Variants in ING3 observed in about 807,000 individuals in gnomAD.
ING3 encodes inhibitor of growth family member 3, also known as inhibitor of growth protein 3.
A neutral mutation model predicts 64.8 loss-of-function variants in ING3; 6 were observed. The observed-to-expected ratio is 0.09, with a 90% CI of 0.05 to 0.18. The LOEUF is 0.18. ING3 is among the 10% of genes least tolerant of loss of function. The pLI is 1.00. For synonymous variants in ING3, 170 were observed against 173.7 expected, an observed-to-expected ratio of 0.98 and a Z score of 0.17; for missense variants, 310 against 489.7, an observed-to-expected ratio of 0.63 and a Z score of 3.46.
intron 6 of ING3, among the ~76,000 whole-genome samples, chr7:120,967,254 A>C (rs1796008527): frequency 6.6e-6 from 1 of 152,192 alleles, no homozygotes; most frequent in African/African-American, 2.4e-5. Context: ...TGTGTTTTGA[A>C]AACAAAATTT....
At chr7:120,971,135 A>G (rs981549296) in intron 10 of ING3, among the ~76,000 whole-genome samples, 5 of 152,216 alleles carry the variant, frequency 3.3e-5, no homozygotes, top group African/African-American at 4.8e-5. Flanking sequence ...CCTCATGTGC[A>G]CATTGGCTGC....
chr7:120,956,537 G>A (rs1795850118), intron 4 of ING3: 2 of 1,025,854 alleles, frequency 1.9e-6, no homozygotes, highest in Non-Finnish European at 1.2e-6. Context: ...CATGGAAAAT[G>A]TCTAGTTGTT....
chr7:120,957,371 T>TA (rs35872651), intron 4 of ING3, among the ~76,000 whole-genome samples: 198 of 139,224 alleles, frequency 1.4e-3, no homozygotes, highest in Admixed American at 2.5e-3. Context: ...GACTCTGTCT[T>TA]AAAAAAAAAA....
chr7:120,958,045 A>G (rs1795877527), intron 4 of ING3, among the ~76,000 whole-genome samples: 1 of 152,074 alleles, frequency 6.6e-6, no homozygotes. Context: ...GGAATTTTCT[A>G]TTTTCCTGAA....
chr7:120,965,833 C>T (rs1399918596), intron 5 of ING3, among the ~76,000 whole-genome samples: 2 of 151,896 alleles, frequency 1.3e-5, no homozygotes, highest in African/African-American at 2.4e-5. Context: ...CTGGAGGAAC[C>T]CTATATAAAG....
chr7:120,961,991 C>T (rs935451170), intron 4 of ING3, among the ~76,000 whole-genome samples: 10 of 152,206 alleles, frequency 6.6e-5, no homozygotes, highest in African/African-American at 1.4e-4. Context: ...AGGTAACTTA[C>T]ATCCTTGCTT....
chr7:120,951,039 C>T (rs1795753694), intron 1 of ING3, 115 bp downstream of exon 1: 1 of 1,514,252 alleles, frequency 6.6e-7, no homozygotes, highest in South Asian at 1.1e-5. Flanking sequence ...GTTTCTTTCT[C>T]ACGGTAACTG....
intron 10 of ING3, among the ~76,000 whole-genome samples, chr7:120,971,953 T>G (rs1796074793): frequency 6.6e-6 from 1 of 152,128 alleles, no homozygotes; most frequent in African/African-American, 2.4e-5. Context: ...TTTGGTAGTT[T>G]TATATTATGA....
chr7:120,959,802 C>T (rs535497961), intron 4 of ING3, among the ~76,000 whole-genome samples: 6 of 151,324 alleles, frequency 4.0e-5, no homozygotes, highest in South Asian at 2.1e-4. Context: ...CCCACCACCA[C>T]GCCCGGCTAA....
chr7:120,970,574 C>A, intron 9 of ING3, 114 bp from the exon 10 acceptor site: 1 of 1,080,810 alleles, frequency 9.3e-7, no homozygotes, highest in South Asian at 1.6e-5. Context: ...ATTACTTTAG[C>A]TTACACTTTA....
intron 4 of ING3, among the ~76,000 whole-genome samples, chr7:120,958,961 T>A (rs1046752538): frequency 3.3e-5 from 5 of 152,234 alleles, no homozygotes; most frequent in Non-Finnish European, 5.9e-5. Context: ...AATGAATTCT[T>A]TATTGCTAAA....
chr7:120,971,562 C>G (rs890806907), intron 10 of ING3, among the ~76,000 whole-genome samples: 3 of 152,108 alleles, frequency 2.0e-5, no homozygotes, highest in African/African-American at 7.2e-5. Flanking sequence ...ACAGTGTATA[C>G]TTTCTTGTTA....
At chr7:120,953,534 A>G (rs1185831585) in intron 3 of ING3, 130 bp downstream of exon 3, 1 of 592,242 alleles carries the variant, frequency 1.7e-6, no homozygotes, top group Non-Finnish European at 3.0e-6. Context: ...AATATAAATA[A>G]TTTATTGTGG....
At chr7:120,963,010 T>C (rs1795953575) in intron 4 of ING3, among the ~76,000 whole-genome samples, 1 of 152,182 alleles carries the variant, frequency 6.6e-6, no homozygotes, top group African/African-American at 2.4e-5. Flanking sequence ...GCTCAATATT[T>C]ATTATTAGTA....
At chr7:120,961,059 A>G in intron 4 of ING3, among the ~76,000 whole-genome samples, 1 of 152,132 alleles carries the variant, frequency 6.6e-6, no homozygotes, top group East Asian at 1.9e-4. Flanking sequence ...CATTTTACCT[A>G]TAAATTTGAG....
intron 9 of ING3, among the ~76,000 whole-genome samples, chr7:120,969,897 A>T (rs760160130): frequency 3.1e-4 from 47 of 152,226 alleles, no homozygotes; most frequent in Non-Finnish European, 3.7e-4. Flanking sequence ...TCAATATGAA[A>T]TAACCACAAC....
At chr7:120,957,703 A>AT (rs1216046759) in intron 4 of ING3, among the ~76,000 whole-genome samples, 1 of 152,208 alleles carries the variant, frequency 6.6e-6, no homozygotes, top group East Asian at 1.9e-4. Flanking sequence ...AAATTCAGAA[A>AT]TTAATTGAGA....
chr7:120,956,777 G>C, intron 4 of ING3: 1 of 976,680 alleles, frequency 1.0e-6, no homozygotes, highest in Non-Finnish European at 1.2e-6. Flanking sequence ...AGACTAATTT[G>C]TTTAGTAACA....
At chr7:120,962,072 G>C (rs1275194656) in intron 4 of ING3, among the ~76,000 whole-genome samples, 1 of 152,170 alleles carries the variant, frequency 6.6e-6, no homozygotes, top group Non-Finnish European at 1.5e-5. Flanking sequence ...AATCATGTAG[G>C]TTGAGGGAAT....
Sources: gnomAD v4.1 joint callset for allele counts (sites outside exome capture counted in the v4.1 genomes callset) on GRCh38, gnomAD v4.1.1 for gene constraint, MANE v1.5 for transcripts, NCBI Gene and HGNC (gene_info 2026-07-23, HGNC 2026-07-21) for gene names.